The following FANK1 variants were observed in gnomAD, a reference collection of about 807,000 sequenced individuals.
FANK1 encodes fibronectin type 3 and ankyrin repeat domains protein 1.
A neutral mutation model predicts 45.3 loss-of-function variants in FANK1; 44 were observed. That is an observed-to-expected ratio of 0.97 (90% CI 0.76 to 1.25). The LOEUF is 1.25. Among genes scored for constraint, FANK1 ranks in the 50% most tolerant of loss-of-function variants. FANK1 has a pLI of 0.00. For missense variants in FANK1, 391 were observed against 424.4 expected, an observed-to-expected ratio of 0.92 and a Z score of 0.69; for synonymous variants, 149 against 152.5, an observed-to-expected ratio of 0.98 and a Z score of 0.17.
chr10:125,929,297 CAGAATA>C (rs111675867), intron 1 of FANK1, among the ~76,000 whole-genome samples: 2,197 of 152,246 alleles, frequency 0.014, 53 homozygotes, highest in African/African-American at 0.05. Flanking sequence ...TAGCAGCCTT[CAGAATA>C]GGTGAAAAGT....
chr10:125,906,515 CAAA>C (rs34132526), intron 1 of FANK1, among the ~76,000 whole-genome samples: 1,234 of 46,198 alleles, frequency 0.027, 2 homozygotes, highest in Non-Finnish European at 0.038. Context: ...GACTCTGTCT[CAAA>C]AAAAAAAAAA....
chr10:126,007,301 G>C (rs1953293966), intron 7 of FANK1: 1 of 152,214 alleles, frequency 6.6e-6, no homozygotes, highest in South Asian at 2.1e-4. Context: ...TTGATTGTTT[G>C]TAAACCAAGA....
rs545915814 is a variant in FANK1, at chr10:125,913,739, C to T, written c.13+17084C>T. Among the ~76,000 whole-genome samples the T allele has an allele frequency of 2.7e-3, 405 of 152,262 alleles. 1 individual carries two copies. The highest frequency in any genetic ancestry group is 9.0e-3 in the African/African-American group (375 of 41,538). On this transcript the variant is annotated intron_variant, in intron 1 of 10. Transcript: ENST00000368693. ...GGGACTGGGGGCAAGTTGTAGCAGC[C>T]CTGAGCCTCCTGCTTCACCTGTATC... is the stretch of plus-strand genomic sequence containing the variant.
At chr10:125,925,118 T>G (rs1176324289) in intron 1 of FANK1, among the ~76,000 whole-genome samples, 2 of 152,098 alleles carry the variant, frequency 1.3e-5, no homozygotes, top group African/African-American at 4.8e-5. Flanking sequence ...ATTGAGTATT[T>G]TTTTCATAGT....
chr10:125,942,424 C>A (rs1313384450), intron 1 of FANK1, among the ~76,000 whole-genome samples: 1 of 152,324 alleles, frequency 6.6e-6, no homozygotes, highest in East Asian at 1.9e-4. Context: ...TTCTCCCTGA[C>A]TTCATAGGCT....
chr10:125,957,135 G>A (rs1239940429), intron 1 of FANK1, among the ~76,000 whole-genome samples: 4 of 152,130 alleles, frequency 2.6e-5, no homozygotes, highest in African/African-American at 9.7e-5. Flanking sequence ...GATTACAGGC[G>A]TGAGCCACCG....
chr10:125,921,341 G>A (rs1380970770), intron 1 of FANK1, among the ~76,000 whole-genome samples: 1 of 152,032 alleles, frequency 6.6e-6, no homozygotes, highest in East Asian at 1.9e-4. Flanking sequence ...CTACTTTCAT[G>A]TACTGTATCA....
chr10:125,923,499 G>A (rs1453946128), intron 1 of FANK1, among the ~76,000 whole-genome samples: 1 of 151,760 alleles, frequency 6.6e-6, no homozygotes, highest in Non-Finnish European at 1.5e-5. Flanking sequence ...TTTAAAGTCT[G>A]TTGGCATAAA....
chr10:125,961,131 G>A (rs1949900525), intron 1 of FANK1, among the ~76,000 whole-genome samples: 1 of 152,122 alleles, frequency 6.6e-6, no homozygotes, highest in Non-Finnish European at 1.5e-5. Flanking sequence ...TTTTGAGACA[G>A]TGTCTCACTC....
At chr10:125,999,929 C>A (rs2134224422) in intron 6 of FANK1, among the ~76,000 whole-genome samples, 1 of 152,204 alleles carries the variant, frequency 6.6e-6, no homozygotes, top group African/African-American at 2.4e-5. Context: ...TAGAACCCAA[C>A]AGAATCAACT....
intron 1 of FANK1, among the ~76,000 whole-genome samples, chr10:125,937,217 C>T (rs1163316310): frequency 1.3e-5 from 2 of 152,142 alleles, no homozygotes; most frequent in African/African-American, 4.8e-5. Flanking sequence ...TAGATATTGC[C>T]AAACAGTTGT....
chr10:125,970,973 G>A (rs982395653), intron 1 of FANK1, among the ~76,000 whole-genome samples: 1 of 152,136 alleles, frequency 6.6e-6, no homozygotes. Flanking sequence ...AAGTGAGCCA[G>A]GACTATAGTC....
chr10:125,950,416 A>G (rs1949126817), intron 1 of FANK1, among the ~76,000 whole-genome samples: 1 of 150,122 alleles, frequency 6.7e-6, no homozygotes, highest in Non-Finnish European at 1.5e-5. Context: ...AAACTAATTT[A>G]CAAGAAAAAA....
chr10:125,921,367 T>C (rs1946934650), intron 1 of FANK1, among the ~76,000 whole-genome samples: 1 of 152,230 alleles, frequency 6.6e-6, no homozygotes, highest in Admixed American at 6.5e-5. Flanking sequence ...TATTCCTTTT[T>C]ATTGCCAAAT....
chr10:126,000,499 A>G (rs917260342), intron 6 of FANK1, among the ~76,000 whole-genome samples: 3 of 152,204 alleles, frequency 2.0e-5, no homozygotes, highest in Non-Finnish European at 2.9e-5. Context: ...TGAGGAAGGT[A>G]TTGGAAAAAT....
chr10:125,971,298 G>C (rs926614147), intron 1 of FANK1, among the ~76,000 whole-genome samples: 1 of 151,976 alleles, frequency 6.6e-6, no homozygotes, highest in Non-Finnish European at 1.5e-5. Flanking sequence ...GTAAACATCA[G>C]TCAAACTCTC....
chr10:125,992,200 C>T (rs1373577867), intron 3 of FANK1, among the ~76,000 whole-genome samples: 2 of 152,208 alleles, frequency 1.3e-5, no homozygotes, highest in African/African-American at 2.4e-5. Context: ...CTGGAATTTC[C>T]TCTCTGTTCC....
chr10:125,945,387 GGTGCGCGCACC>G (rs1948714511), intron 1 of FANK1, among the ~76,000 whole-genome samples: 1 of 152,178 alleles, frequency 6.6e-6, no homozygotes, highest in Non-Finnish European at 1.5e-5. Context: ...CAGGCCAGTG[GGTGCGCGCACC>G]GTGCGCAAGC....
rs182262855 is a variant in FANK1 at position 125,908,685 on chromosome 10, G to A, written c.13+12030G>A. Among the ~76,000 whole-genome samples the A allele has an allele frequency of 3.8e-4, 57 of 151,942 alleles. No homozygotes were observed. The East Asian group carries it at 8.0e-3, about 21-fold the overall frequency. ...GAGTGATGGGTGCACTAAAATCTCA[G>A]AAATCACCACTAAAGAACTTACTCA... is the stretch of plus-strand genomic sequence containing the variant. On this transcript the variant is annotated intron_variant, in intron 1 of 10. Transcript: ENST00000368693.
Sources: gnomAD v4.1 joint callset for allele counts (sites outside exome capture counted in the v4.1 genomes callset) on GRCh38, gnomAD v4.1.1 for gene constraint, MANE v1.5 for transcripts, NCBI Gene and HGNC (gene_info 2026-07-23, HGNC 2026-07-21) for gene names.